The following CD109 variants were observed in gnomAD, a reference collection of about 807,000 sequenced individuals.
The protein encoded by CD109 is CD109 molecule, also known as CD109 antigen.
CD109 carries 149 observed loss-of-function variants against 165.8 expected under a neutral mutation model. The ratio of observed to expected loss-of-function variants is 0.90; its 90% CI spans 0.79 to 1.03. The LOEUF (loss-of-function observed/expected upper bound fraction) is 1.03. Among genes scored for constraint, CD109 ranks in the 50% least tolerant of loss-of-function variants. CD109 has a pLI of 0.00. For missense variants in CD109, 1,712 were observed against 1,677.8 expected (o/e 1.02, Z -0.36); for synonymous variants, 585 against 592.1 (o/e 0.99, Z 0.18).
chr6:73,809,987 G>A lies in CD109; in HGVS notation c.3359G>A (p.Gly1120Asp), dbSNP rs1775694370. ...MLTWRAEQEG[G>D]MQFWVSSESK... ...TGTTATTACTTTTCTCTTGCAGGTG[G>A]CATGCAATTCTGGGTGTCATCAGAG... The change falls in exon 27 of 33, where the codon GGC becomes GAC. Residue 1120 changes from glycine (G) to aspartate (D), a missense_variant. By Grantham distance (94) the Gly-to-Asp change is moderately conservative. Coordinates refer to ENST00000287097, the MANE Select transcript of CD109 (RefSeq NM_133493.5). 6.3e-7 allele frequency: 1 copy of A among 1,584,034 alleles called. No individual in the cohort carries two copies. The highest frequency in any genetic ancestry group is 8.6e-7 in the Non-Finnish European group (1 of 1,169,156).
chr6:73,725,241 AT>A (rs34178288), intron 3 of CD109, among the ~76,000 whole-genome samples: 11,320 of 152,194 alleles, frequency 0.074, 630 homozygotes, highest in African/African-American at 0.15. Flanking sequence ...TTGAAAGGGT[AT>A]TCCAGTGGTA....
intron 5 of CD109, among the ~76,000 whole-genome samples, chr6:73,747,984 C>T (rs1773040739): frequency 6.6e-6 from 1 of 152,016 alleles, no homozygotes; most frequent in Non-Finnish European, 1.5e-5. Flanking sequence ...ATCTTCCTGC[C>T]TCCATCTCCC....
At chr6:73,693,891 C>CTT (rs34239984), upstream of CD109, 24 of 146,300 alleles carry the variant, frequency 1.6e-4, 1 homozygote, top group East Asian at 2.6e-3. Context: ...CTTTTCTTTT[C>CTT]TTTTTTTTTT....
intron 10 of CD109, among the ~76,000 whole-genome samples, chr6:73,764,640 C>T (rs146329314): frequency 6.4e-4 from 97 of 151,814 alleles, no homozygotes; most frequent in African/African-American, 2.1e-3. Context: ...CATGGAGAAA[C>T]CCCATCTCCA....
intron 24 of CD109, 88 bp downstream of exon 24, chr6:73,803,389 C>T (rs1306065118): frequency 1.1e-6 from 1 of 895,202 alleles, no homozygotes; most frequent in Non-Finnish European, 1.8e-6. Context: ...AGATATATCT[C>T]TATATATTAT....
chr6:73,820,190 T>C (rs1776062445), intron 31 of CD109, among the ~76,000 whole-genome samples: 1 of 152,176 alleles, frequency 6.6e-6, no homozygotes, highest in Non-Finnish European at 1.5e-5. Flanking sequence ...TCTAGGTGCA[T>C]GCACCCTAAG....
intron 17 of CD109, 92 bp from the exon 18 acceptor site, chr6:73,782,522 C>T: frequency 7.9e-7 from 1 of 1,266,828 alleles, no homozygotes; most frequent in Non-Finnish European, 1.1e-6. Flanking sequence ...CTCTGGACAC[C>T]TCAAGTGATT....
At chr6:73,692,003 C>G (rs563983458), upstream of CD109, among the ~76,000 whole-genome samples, 1 of 151,914 alleles carries the variant, frequency 6.6e-6, no homozygotes, top group Admixed American at 6.6e-5. Context: ...GATGTATGGG[C>G]TCGTGGTATC....
Position 73,721,313 on chromosome 6 carries a change from G to A in CD109, c.248-1938G>A, listed in dbSNP as rs530521307. ...AAAGTGAGTGTGCACACGTCTAAGA[G>A]TATATGAGACCATTTATAAGGATGG... On this transcript the variant is annotated intron_variant, in intron 2 of 32. Coordinates refer to ENST00000287097, the MANE Select transcript of CD109 (RefSeq NM_133493.5). Among the ~76,000 whole-genome samples the A allele has an allele frequency of 2.6e-5, 4 of 151,972 alleles. No homozygotes were observed. In the East Asian group the frequency reaches 7.7e-4, roughly 29 times the overall value.
chr6:73,788,395 C>G, intron 21 of CD109, 73 bp from the exon 22 acceptor site: 2 of 1,362,568 alleles, frequency 1.5e-6, no homozygotes, highest in Non-Finnish European at 2.0e-6. Context: ...GATGTTTGTG[C>G]TCATATCTGC....
Position 73,815,099 on chromosome 6 carries a change from A to G in CD109, c.3887A>G (p.His1296Arg), listed in dbSNP as rs13207595. ...AVKENKDDLNHVDLNVCTSFS... is the reference protein window; with the variant it reads ...AVKENKDDLNRVDLNVCTSFS... ...AAAGAAAATAAAGATGATCTCAATC[A>G]TGTGGATTTGAATGTGTGTACAAGG... Residue 1296 changes from histidine (H) to arginine (R), a missense_variant, in exon 30 of 33, where the codon CAT (histidine) becomes CGT (arginine). Transcript: ENST00000287097. 2.0e-3 allele frequency: 3,156 copies of G among 1,587,914 alleles called. 7 individuals carry two copies. The highest frequency in any genetic ancestry group is 2.2e-3 in the Non-Finnish European group (2,526 of 1,171,982).
chr6:73,747,923 T>G (rs1202945573), intron 5 of CD109, among the ~76,000 whole-genome samples: 3 of 151,776 alleles, frequency 2.0e-5, no homozygotes, highest in Admixed American at 1.3e-4. Context: ...TCTTGCTCTG[T>G]CACCCAGGCA....
Position 73,697,417 on chromosome 6 carries a change from C to T in CD109, c.92C>T (p.Thr31Ile), listed in dbSNP as rs1279359903. 1.2e-6 allele frequency: 2 copies of T among 1,613,874 alleles called. No individual in the cohort carries two copies. Among genetic ancestry groups the T allele is most frequent in the African/African-American group, 2.7e-5 (2 of 74,914 alleles). The change falls in exon 2 of 33, where the codon ACA (threonine) becomes ATA (isoleucine). Residue 31 changes from threonine (T) to isoleucine (I), a missense_variant. By Grantham distance (89) the Thr-to-Ile change is moderately conservative. Transcript: ENST00000287097. ...CTCTTTAGGCCTCGGTTTCTGGTGA[C>T]AGCCCCAGGGATCATCAGGCCCGGA... ...AVAPGPRFLV[T>I]APGIIRPGGN...
At chr6:73,745,366 A>G (rs367809779) in intron 5 of CD109, among the ~76,000 whole-genome samples, 1 of 152,100 alleles carries the variant, frequency 6.6e-6, no homozygotes, top group African/African-American at 2.4e-5. Flanking sequence ...TGGCCTCCCA[A>G]AGTGCTGGGA....
intron 2 of CD109, among the ~76,000 whole-genome samples, chr6:73,712,386 G>T (rs1000089718): frequency 1.3e-5 from 2 of 152,122 alleles, no homozygotes; most frequent in Admixed American, 6.5e-5. Context: ...ATTTATTATT[G>T]CATAAGACTG....
intron 29 of CD109, among the ~76,000 whole-genome samples, chr6:73,813,390 G>T (rs906350721): frequency 6.6e-6 from 1 of 152,256 alleles, no homozygotes; most frequent in East Asian, 1.9e-4. Flanking sequence ...TAAACCAAAT[G>T]TAGAGAAATT....
intron 3 of CD109, among the ~76,000 whole-genome samples, chr6:73,725,230 G>T (rs1459278102): frequency 6.6e-6 from 1 of 150,428 alleles, no homozygotes; most frequent in Non-Finnish European, 1.5e-5. Context: ...GCAGAACTTT[G>T]TTGAAAGGGT....
intron 15 of CD109, among the ~76,000 whole-genome samples, chr6:73,771,965 A>G (rs572615753): frequency 2.0e-5 from 3 of 152,318 alleles, no homozygotes; most frequent in South Asian, 2.1e-4. Context: ...AAGGTGATAG[A>G]TATGTTAATT....
At chr6:73,782,393 A>C (rs1774540494) in intron 17 of CD109, among the ~76,000 whole-genome samples, 1 of 152,102 alleles carries the variant, frequency 6.6e-6, no homozygotes, top group Admixed American at 6.6e-5. Flanking sequence ...CTTGATGCCC[A>C]CTGTAATACC....
Sources: allele counts gnomAD v4.1 joint callset (sites outside exome capture counted in the v4.1 genomes callset), GRCh38; gene constraint gnomAD v4.1.1; transcripts MANE v1.5; gene names NCBI Gene and HGNC (gene_info 2026-07-23, HGNC 2026-07-21).